Variants in THSD7B observed in about 807,000 individuals in gnomAD.
THSD7B encodes thrombospondin type-1 domain-containing protein 7B.
THSD7B carries 138 observed loss-of-function variants against 213.6 expected under a neutral mutation model. That is an observed-to-expected ratio of 0.65 (90% confidence interval 0.56 to 0.74). The LOEUF (loss-of-function observed/expected upper bound fraction) is 0.74. THSD7B is among the 30% of genes least tolerant of loss of function. The probability of loss-of-function intolerance (pLI) is 0.00; values close to 1 mark genes in which losing one functional copy is unlikely to be tolerated. For missense variants in THSD7B, 1,931 were observed against 1,991.5 expected (o/e 0.97, Z 0.58); for synonymous variants, 742 against 687.0 (o/e 1.08, Z -1.25).
intron 2 of THSD7B, among the ~76,000 whole-genome samples, chr2:136,943,342 T>G (rs1191910204): frequency 6.6e-6 from 1 of 152,114 alleles, no homozygotes; most frequent in African/African-American, 2.4e-5. Context: ...TAAAATTCTC[T>G]TTTTTTGTTG....
intron 1 of THSD7B, among the ~76,000 whole-genome samples, chr2:136,813,122 TTC>T (rs1449136129): frequency 6.6e-6 from 1 of 152,224 alleles, no homozygotes; most frequent in African/African-American, 2.4e-5. Context: ...ATTACTTTTC[TTC>T]TGTTTAATTA....
intron 12 of THSD7B, among the ~76,000 whole-genome samples, chr2:137,385,965 TG>T (rs1164723514): frequency 2.0e-5 from 3 of 152,210 alleles, no homozygotes; most frequent in African/African-American, 7.2e-5. Flanking sequence ...TCCACAGATG[TG>T]GGCAGCCTGA....
At chr2:137,024,966 G>A (rs953180689) in intron 2 of THSD7B, among the ~76,000 whole-genome samples, 4 of 152,014 alleles carry the variant, frequency 2.6e-5, no homozygotes, top group East Asian at 1.9e-4. Context: ...TCTCATTCCC[G>A]GAGTCCTGCA....
At chr2:136,952,894 T>C (rs966301949) in intron 2 of THSD7B, among the ~76,000 whole-genome samples, 4 of 152,156 alleles carry the variant, frequency 2.6e-5, no homozygotes, top group African/African-American at 9.7e-5. Context: ...TTGCCATTAA[T>C]GGGAATAAAA....
chr2:137,529,596 C>CT (rs76753833), intron 15 of THSD7B, among the ~76,000 whole-genome samples: 37,468 of 136,624 alleles, frequency 0.27, 4,941 homozygotes, highest in South Asian at 0.36. Flanking sequence ...TTCTAAGAAT[C>CT]TTTTTTTTTT....
chr2:137,329,538 T>C (rs1276997983), intron 12 of THSD7B, among the ~76,000 whole-genome samples: 18 of 152,158 alleles, frequency 1.2e-4, no homozygotes, highest in Non-Finnish European at 2.6e-4. Context: ...ATTAATTTTC[T>C]GTATTTTCAG....
chr2:137,599,815 T>C (rs1156690143), intron 17 of THSD7B, among the ~76,000 whole-genome samples: 1 of 152,170 alleles, frequency 6.6e-6, no homozygotes, highest in East Asian at 1.9e-4. Flanking sequence ...GGATTTAGTG[T>C]ATAACTAAAC....
At chr2:137,131,187 G>C (rs1215727880) in intron 5 of THSD7B, among the ~76,000 whole-genome samples, 1 of 147,322 alleles carries the variant, frequency 6.8e-6, no homozygotes, top group African/African-American at 2.5e-5. Flanking sequence ...CTTTTGAGAA[G>C]TGTCTGTTCA....
intron 3 of THSD7B, among the ~76,000 whole-genome samples, chr2:137,073,078 G>A (rs1296399949): frequency 1.3e-5 from 2 of 152,146 alleles, no homozygotes; most frequent in Middle Eastern, 3.4e-3. Flanking sequence ...TTTTTGTTGT[G>A]TCTCTGCCAT....
chr2:137,533,228 C>T (rs1203868354), intron 15 of THSD7B, among the ~76,000 whole-genome samples: 1 of 151,760 alleles, frequency 6.6e-6, no homozygotes, highest in Non-Finnish European at 1.5e-5. Flanking sequence ...CTGACTCATT[C>T]CTCTCGTATC....
intron 14 of THSD7B, among the ~76,000 whole-genome samples, chr2:137,415,112 AATCTGG>A (rs1399936888): frequency 6.6e-6 from 1 of 152,022 alleles, no homozygotes; most frequent in Non-Finnish European, 1.5e-5. Context: ...TAATGACCTA[AATCTGG>A]ATCTCCCAAT....
At chr2:137,396,061 T>G (rs1448865542) in intron 12 of THSD7B, among the ~76,000 whole-genome samples, 1 of 151,888 alleles carries the variant, frequency 6.6e-6, no homozygotes, top group Non-Finnish European at 1.5e-5. Flanking sequence ...TCTCTTTTTC[T>G]TTATTAGTCT....
intron 16 of THSD7B, among the ~76,000 whole-genome samples, chr2:137,565,773 G>T (rs959729364): frequency 2.6e-5 from 4 of 152,078 alleles, no homozygotes; most frequent in African/African-American, 7.2e-5. Context: ...GTTAGCTCAG[G>T]TCTTTCTTTT....
intron 15 of THSD7B, among the ~76,000 whole-genome samples, chr2:137,545,185 C>T (rs936983063): frequency 2.6e-5 from 4 of 151,798 alleles, no homozygotes; most frequent in Admixed American, 1.3e-4. Context: ...TCATCAACTT[C>T]GTATTTTAAT....
At chr2:137,320,710 G>T (rs1228042138) in intron 12 of THSD7B, among the ~76,000 whole-genome samples, 1 of 152,206 alleles carries the variant, frequency 6.6e-6, no homozygotes, top group Non-Finnish European at 1.5e-5. Flanking sequence ...TACAAAGGTG[G>T]AATGGAAAGA....
At chr2:137,104,352 T>C (rs2104928037) in intron 4 of THSD7B, among the ~76,000 whole-genome samples, 1 of 152,226 alleles carries the variant, frequency 6.6e-6, no homozygotes, top group East Asian at 1.9e-4. Context: ...AGACACAACA[T>C]ACCAGAATCT....
chr2:137,617,047 C>G (rs1573745617), intron 18 of THSD7B, among the ~76,000 whole-genome samples: 1 of 152,054 alleles, frequency 6.6e-6, no homozygotes. Flanking sequence ...AAAAAATCCT[C>G]ACCACAGCCA....
At chr2:137,183,191 C>A (rs925791902) in intron 7 of THSD7B, among the ~76,000 whole-genome samples, 12 of 151,946 alleles carry the variant, frequency 7.9e-5, no homozygotes, top group African/African-American at 2.9e-4. Flanking sequence ...ATTTTAAAAT[C>A]TTTAGATTTA....
chr2:137,077,836 C>A (rs1348661556), intron 3 of THSD7B, among the ~76,000 whole-genome samples: 1 of 151,966 alleles, frequency 6.6e-6, no homozygotes, highest in Admixed American at 6.6e-5. Flanking sequence ...TTAATTAGAT[C>A]CCATTTGTCA....
Sources: gnomAD v4.1 joint callset for allele counts (sites outside exome capture counted in the v4.1 genomes callset) on GRCh38, gnomAD v4.1.1 for gene constraint, MANE v1.5 for transcripts, NCBI Gene and HGNC (gene_info 2026-07-23, HGNC 2026-07-21) for gene names.